KCNJ16: variants seen among roughly 807,000 people sequenced by gnomAD.
KCNJ16 encodes inward rectifier potassium channel 16.
In KCNJ16, 15 loss-of-function variants were observed where a neutral mutation model predicts 18.5. The observed-to-expected ratio is 0.81, with a 90% CI of 0.54 to 1.25. The LOEUF is 1.25. Ranked by LOEUF, KCNJ16 falls within the 50% of genes most tolerant of loss-of-function variation. KCNJ16 has a pLI of 0.00. For missense variants in KCNJ16, 523 were observed against 525.7 expected (o/e 0.99, Z 0.05); for synonymous variants, 174 against 186.5 (o/e 0.93, Z 0.55).
In KCNJ16 at chr17:70,131,995, G is replaced by T. The variant is rs765578795; in HGVS notation, c.-93G>T. On this transcript the variant is annotated splice_region_variant and 5_prime_UTR_variant, in exon 4 of 4. Coordinates refer to ENST00000392671, the MANE Select transcript of KCNJ16 (RefSeq NM_170741.4). The stretch of plus-strand genomic sequence containing the variant: ...TGTTTTTGTTGTTGTTGTTTTTTAG[G>T]TTCTAACTGAAAACCCAAACCAAGA... 2 of 1,572,808 alleles carry T rather than the reference G, an allele frequency of 1.3e-6. No homozygotes were observed. Among genetic ancestry groups the T allele is most frequent in the African/African-American group, 1.4e-5 (1 of 73,966 alleles).
At position 70,132,776 on chromosome 17, in the gene KCNJ16, G is replaced by A. The variant is rs377596272; in HGVS notation, c.689G>A (p.Arg230Lys). 7.4e-5 allele frequency: 119 copies of A among 1,613,970 alleles called. No individual in the cohort carries two copies. In the East Asian group the frequency reaches 1.1e-3, roughly 15 times the overall value. The change falls in exon 4 of 4, where the codon AGG (arginine) becomes AAG (lysine). Residue 230 changes from arginine (R) to lysine (K), a missense_variant. Arg to Lys is a conservative substitution (Grantham distance 26). Transcript: ENST00000392671. ...CGCTATACAGAAGACAGTGAAGGGA[G>A]GATGACGATGGCATTTAAAGACCTC... ...LLRYTEDSEG[R>K]MTMAFKDLKL...
chr17:70,106,986 T>C (rs557051884), intron 2 of KCNJ16, among the ~76,000 whole-genome samples: 4 of 152,184 alleles, frequency 2.6e-5, no homozygotes, highest in South Asian at 4.1e-4. Context: ...TTCCTGATGG[T>C]TTCTTCTACC....
intron 2 of KCNJ16, among the ~76,000 whole-genome samples, chr17:70,103,283 T>TATATGTGTG (rs202131867): frequency 6.5e-3 from 149 of 22,852 alleles, no homozygotes; most frequent in East Asian, 0.036. Context: ...ATAATATGCA[T>TATATGTGTG]ATATGTGTGT....
At chr17:70,103,245 A>G (rs1449436325) in intron 2 of KCNJ16, among the ~76,000 whole-genome samples, 23 of 127,442 alleles carry the variant, frequency 1.8e-4, no homozygotes, top group African/African-American at 5.9e-4. Context: ...ATTTATGTGT[A>G]TATATATATT....
intron 1 of KCNJ16, among the ~76,000 whole-genome samples, chr17:70,089,613 G>A (rs1484661754): frequency 2.0e-5 from 3 of 152,154 alleles, no homozygotes; most frequent in African/African-American, 4.8e-5. Context: ...CATAGTTGCT[G>A]TAGTCTATAA....
intron 2 of KCNJ16, among the ~76,000 whole-genome samples, chr17:70,127,237 G>A (rs930644377): frequency 1.3e-5 from 2 of 152,076 alleles, no homozygotes; most frequent in African/African-American, 4.8e-5. Context: ...GGGATGAGAA[G>A]GGAAGCTGAG....
rs2074153793 is a variant in KCNJ16 at position 70,134,118 on chromosome 17, G to C, written c.*774G>C. 2 of 167,088 alleles carry C rather than the reference G, an allele frequency of 1.2e-5. 1 individual carries two copies. The highest frequency in any genetic ancestry group is 4.1e-4 in the South Asian group (2 of 4,828). 10.4% of individuals were successfully genotyped at this position (167,088 alleles called of 1,614,324 possible). ...CGACCTTGCTAGGTTCTCTGAGGAG[G>C]GGACTTTCTATGTTCACGTCCCACC... On this transcript the variant is annotated 3_prime_UTR_variant, in exon 4 of 4. Transcript: ENST00000392671.
chr17:70,107,392 T>C (rs1890359427), intron 2 of KCNJ16, among the ~76,000 whole-genome samples: 1 of 152,170 alleles, frequency 6.6e-6, no homozygotes, highest in South Asian at 2.1e-4. Context: ...AACATCACAG[T>C]AGATTCAGGG....
At chr17:70,091,195 C>G (rs1046362539) in intron 1 of KCNJ16, among the ~76,000 whole-genome samples, 5 of 152,214 alleles carry the variant, frequency 3.3e-5, no homozygotes, top group Non-Finnish European at 7.3e-5. Flanking sequence ...AGAACTCACT[C>G]ATGCTGTCTA....
rs192706610 is a variant in KCNJ16, at chr17:70,081,177, T to C, written c.-300+5787T>C. Reference sequence around the variant, plus strand: ...TGTCATATCAAGAATGCTCTTTATTTTGTAACTTGCCTTTCATTTGGATCA... The same window carrying C: ...TGTCATATCAAGAATGCTCTTTATTCTGTAACTTGCCTTTCATTTGGATCA... On this transcript the variant is annotated intron_variant, in intron 1 of 3. Coordinates refer to ENST00000392671, the MANE Select transcript of KCNJ16 (RefSeq NM_170741.4). Among the ~76,000 whole-genome samples, 330 of 152,100 alleles carry C rather than the reference T, an allele frequency of 2.2e-3. 3 individuals are homozygous for C. Among genetic ancestry groups the C allele is most frequent in the African/African-American group, 7.6e-3 (313 of 41,376 alleles).
chr17:70,120,105 T>C (rs2073571506), intron 2 of KCNJ16, among the ~76,000 whole-genome samples: 1 of 152,222 alleles, frequency 6.6e-6, no homozygotes, highest in Admixed American at 6.5e-5. Flanking sequence ...ATTATCACTA[T>C]GAAGTTCACA....
rs1036255149 is a variant in KCNJ16, at chr17:70,134,424, T to C, written c.*1080T>C. ...TGTGGATTGCAAGAAACTCTTTTAT[T>C]AAACTTGGAACAACCATTTAAATGA... On this transcript the variant is annotated 3_prime_UTR_variant, in exon 4 of 4. Transcript: ENST00000392671. The C allele has an allele frequency of 1.8e-5, 3 of 167,036 alleles. No individual in the cohort carries two copies. The East Asian group carries it at 5.8e-4, about 32-fold the overall frequency. The allele number at this position is 167,036 out of a possible 1,614,324, so 10.3% of individuals were successfully genotyped here.
In KCNJ16 at chr17:70,133,342, T is replaced by A. The variant is rs765144847; in HGVS notation, c.1255T>A (p.Ter419LysextTer2). 18 of 1,603,818 alleles carry A rather than the reference T, an allele frequency of 1.1e-5. No individual in the cohort carries two copies. The Admixed American group carries it at 2.9e-4, about 26-fold the overall frequency. ...LNRISVESQM[*>K] Reference sequence around the variant, plus strand: ...CAGAATCTCTGTAGAATCCCAAATGTAGTCCTAAATTGCAATTATGAGGGC... The same window carrying A: ...CAGAATCTCTGTAGAATCCCAAATGAAGTCCTAAATTGCAATTATGAGGGC... Residue 419 changes from the stop codon to lysine (K), a stop_lost, in exon 4 of 4, where the codon TAG becomes AAG. Transcript: ENST00000392671.
chr17:70,120,022 T>C (rs549866098), intron 2 of KCNJ16, among the ~76,000 whole-genome samples: 16 of 152,330 alleles, frequency 1.1e-4, no homozygotes, highest in African/African-American at 2.4e-4. Flanking sequence ...CCTCTGAACA[T>C]AGGCAGTTAG....
chr17:70,114,215 G>C (rs1440933572), intron 2 of KCNJ16, among the ~76,000 whole-genome samples: 1 of 152,138 alleles, frequency 6.6e-6, no homozygotes, highest in East Asian at 1.9e-4. Flanking sequence ...AAAGGTCAAA[G>C]AAGTTGTAGA....
intron 2 of KCNJ16, among the ~76,000 whole-genome samples, chr17:70,129,247 C>T (rs576187247): frequency 1.3e-5 from 2 of 152,270 alleles, no homozygotes; most frequent in Non-Finnish European, 2.9e-5. Flanking sequence ...AAGAAAATTA[C>T]GAAAGCATCG....
At chr17:70,080,563 T>G (rs1387328086) in intron 1 of KCNJ16, among the ~76,000 whole-genome samples, 1 of 152,084 alleles carries the variant, frequency 6.6e-6, no homozygotes, top group Non-Finnish European at 1.5e-5. Flanking sequence ...ATGTACTCAT[T>G]TATCTTCTGC....
In KCNJ16 at chr17:70,133,184, A is replaced by G. The variant is rs2074125464; in HGVS notation, c.1097A>G (p.Asp366Gly). Reference sequence around the variant, plus strand: ...CCAGTTCGAGAATCCTGCACGTCGGACACCAAGGCGAGACGAAGGTCATTT... The same window carrying G: ...CCAGTTCGAGAATCCTGCACGTCGGGCACCAAGGCGAGACGAAGGTCATTT... ...APPVRESCTSDTKARRRSFSA... is the reference protein window; with the variant it reads ...APPVRESCTSGTKARRRSFSA... The change falls in exon 4 of 4, where the codon GAC (aspartate) becomes GGC (glycine). Residue 366 changes from aspartate to glycine, a missense_variant. Coordinates refer to ENST00000392671, the MANE Select transcript of KCNJ16 (RefSeq NM_170741.4). The G allele has an allele frequency of 4.3e-6, 7 of 1,614,226 alleles. No individual in the cohort carries two copies. Among genetic ancestry groups the G allele is most frequent in the East Asian group, 2.2e-5 (1 of 44,884 alleles).
At chr17:70,111,508 C>G (rs2073183275) in intron 2 of KCNJ16, among the ~76,000 whole-genome samples, 1 of 152,064 alleles carries the variant, frequency 6.6e-6, no homozygotes, top group African/African-American at 2.4e-5. Flanking sequence ...GCCATTACTG[C>G]TTGGATAGCT....
Sources: gnomAD v4.1 joint callset for allele counts (sites outside exome capture counted in the v4.1 genomes callset) on GRCh38, gnomAD v4.1.1 for gene constraint, MANE v1.5 for transcripts, NCBI Gene and HGNC (gene_info 2026-07-23, HGNC 2026-07-21) for gene names.